Variants in PDE4D observed in about 807,000 individuals in gnomAD.
PDE4D encodes phosphodiesterase 4D, also known as 3',5'-cyclic-AMP phosphodiesterase 4D.
PDE4D carries 24 observed loss-of-function variants against 87.4 expected under a neutral mutation model. The observed-to-expected ratio is 0.27, with a 90% CI of 0.20 to 0.39. The LOEUF is 0.39. Among genes scored for constraint, PDE4D ranks in the 10% least tolerant of loss-of-function variants. The pLI is 1.00. For synonymous variants in PDE4D, 384 were observed against 383.2 expected (o/e 1.00, Z -0.02); for missense variants, 714 against 1,041.0 (o/e 0.69, Z 4.32).
intron 2 of PDE4D, among the ~76,000 whole-genome samples, chr5:60,103,860 A>T (rs957754761): frequency 4.0e-5 from 6 of 151,596 alleles, no homozygotes; most frequent in African/African-American, 1.5e-4. Context: ...TAAAAACCTG[A>T]AAAAAAAATC....
chr5:59,848,469 T>G (rs1464433631), intron 1 of PDE4D, among the ~76,000 whole-genome samples: 1 of 152,084 alleles, frequency 6.6e-6, no homozygotes, highest in Non-Finnish European at 1.5e-5. Context: ...TCTGTCTTTA[T>G]GTAAGTTTTT....
intron 1 of PDE4D, among the ~76,000 whole-genome samples, chr5:59,532,522 C>G (rs1814425081): frequency 6.6e-6 from 1 of 152,088 alleles, no homozygotes; most frequent in Admixed American, 6.6e-5. Context: ...ATCACTTTGC[C>G]CACTTCATAG....
intron 1 of PDE4D, among the ~76,000 whole-genome samples, chr5:59,313,829 G>T (rs1332133535): frequency 6.6e-6 from 1 of 152,002 alleles, no homozygotes; most frequent in Non-Finnish European, 1.5e-5. Context: ...ATCCCCTCAT[G>T]GAAAGGCCCT....
At chr5:60,124,748 T>C (rs1778982511) in intron 2 of PDE4D, among the ~76,000 whole-genome samples, 1 of 152,186 alleles carries the variant, frequency 6.6e-6, no homozygotes, top group Admixed American at 6.5e-5. Context: ...TCCAAACTCA[T>C]GATATTCAGT....
intron 1 of PDE4D, among the ~76,000 whole-genome samples, chr5:59,469,732 A>G (rs554338213): frequency 2.8e-4 from 43 of 152,208 alleles, no homozygotes; most frequent in Non-Finnish European, 5.3e-4. Flanking sequence ...AAGAGTCCCA[A>G]AAGAATATGG....
chr5:60,346,315 T>C (rs1758744410), intron 1 of PDE4D, among the ~76,000 whole-genome samples: 1 of 152,168 alleles, frequency 6.6e-6, no homozygotes, highest in Non-Finnish European at 1.5e-5. Context: ...GTCCTGCTGG[T>C]GACATTCTAA....
Position 60,028,128 on chromosome 5 carries a change from A to C in PDE4D, c.43-39411T>G, listed in dbSNP as rs538673456. On this transcript the variant is annotated intron_variant, in intron 2 of 16. Coordinates refer to the PDE4D transcript ENST00000502484. ...ACATAGACTCTATTTGCCCAAATACATCACTATTTCATGGACCCAGACACT... is the reference window on the plus strand; with the variant it reads ...ACATAGACTCTATTTGCCCAAATACCTCACTATTTCATGGACCCAGACACT... Among the ~76,000 whole-genome samples, 4 of 152,204 alleles carry C rather than the reference A, an allele frequency of 2.6e-5. No individual in the cohort carries two copies. In the South Asian group the frequency reaches 8.3e-4, roughly 32 times the overall value.
intron 1 of PDE4D, among the ~76,000 whole-genome samples, chr5:59,232,629 A>G (rs1422218987): frequency 6.6e-6 from 1 of 152,106 alleles, no homozygotes; most frequent in Admixed American, 6.6e-5. Flanking sequence ...CAGAAAACTA[A>G]AAGTAGAACT....
chr5:59,951,824 A>T (rs1758322857), intron 3 of PDE4D, among the ~76,000 whole-genome samples: 1 of 152,164 alleles, frequency 6.6e-6, no homozygotes, highest in Non-Finnish European at 1.5e-5. Flanking sequence ...AGATTATAAA[A>T]ATATAGAGAA....
intron 1 of PDE4D, among the ~76,000 whole-genome samples, chr5:59,873,134 C>T (rs1748072365): frequency 6.6e-6 from 1 of 152,196 alleles, no homozygotes; most frequent in South Asian, 2.1e-4. Flanking sequence ...ATATATACTA[C>T]ATAGAGTCAA....
chr5:59,608,452 A>G (rs1828523525), intron 1 of PDE4D, among the ~76,000 whole-genome samples: 1 of 152,192 alleles, frequency 6.6e-6, no homozygotes. Context: ...TTAAAAATAA[A>G]GAAAATATTC....
chr5:59,091,804 C>A (rs886385744), intron 5 of PDE4D, among the ~76,000 whole-genome samples: 3 of 151,926 alleles, frequency 2.0e-5, no homozygotes, highest in Non-Finnish European at 4.4e-5. Context: ...TGTTATATTT[C>A]ACAATTTAAA....
intron 2 of PDE4D, among the ~76,000 whole-genome samples, chr5:59,213,174 T>C (rs1750460168): frequency 1.3e-5 from 2 of 151,626 alleles, no homozygotes; most frequent in African/African-American, 4.8e-5. Flanking sequence ...TTTTTCTTTT[T>C]TTCCAGACAC....
In PDE4D at chr5:59,946,832, G is replaced by A. The variant is rs78030538; in HGVS notation, c.272+41656C>T. On this transcript the variant is annotated intron_variant, in intron 3 of 16. Transcript: ENST00000502484. The stretch of plus-strand genomic sequence containing the variant: ...TCATGATACCCATCCTGAAGGGCCA[G>A]TAACTCATTTTTACCTTGTATAACC... Among the ~76,000 whole-genome samples the A allele has an allele frequency of 5.4e-3, 824 of 152,282 alleles. 5 individuals carry two copies. The highest frequency in any genetic ancestry group is 7.7e-3 in the Non-Finnish European group (525 of 68,024).
At chr5:59,441,289 G>C (rs1797578701) in intron 1 of PDE4D, among the ~76,000 whole-genome samples, 1 of 152,146 alleles carries the variant, frequency 6.6e-6, no homozygotes, top group African/African-American at 2.4e-5. Flanking sequence ...GAGAGACAGT[G>C]ATTCACCATG....
At chr5:59,409,840 C>T (rs1792345017) in intron 1 of PDE4D, among the ~76,000 whole-genome samples, 2 of 152,044 alleles carry the variant, frequency 1.3e-5, no homozygotes, top group Admixed American at 1.3e-4. Flanking sequence ...TATTGGGCAA[C>T]CATCTAATGC....
chr5:59,562,127 G>GT (rs869050793), intron 1 of PDE4D, among the ~76,000 whole-genome samples: 1 of 151,774 alleles, frequency 6.6e-6, no homozygotes, highest in African/African-American at 2.4e-5. Context: ...AGCCCAAAGT[G>GT]TTTTTTGTTT....
At chr5:59,181,471 T>C (rs1293765323) in intron 4 of PDE4D, among the ~76,000 whole-genome samples, 1 of 147,428 alleles carries the variant, frequency 6.8e-6, no homozygotes, top group African/African-American at 2.6e-5. Flanking sequence ...CTTTATAAAG[T>C]TATTACTTGT....
intron 5 of PDE4D, among the ~76,000 whole-genome samples, chr5:59,153,440 GAGA>G (rs962823478): frequency 5.9e-5 from 9 of 152,242 alleles, no homozygotes; most frequent in African/African-American, 2.2e-4. Flanking sequence ...TGACAGAGTG[GAGA>G]AGATCATCCA....
Sources: gnomAD v4.1 joint callset for allele counts (sites outside exome capture counted in the v4.1 genomes callset) on GRCh38, gnomAD v4.1.1 for gene constraint, MANE v1.5 for transcripts, NCBI Gene and HGNC (gene_info 2026-07-23, HGNC 2026-07-21) for gene names.